The following CACNA1D variants were observed in gnomAD, a reference collection of about 807,000 sequenced individuals.
The protein encoded by CACNA1D is calcium voltage-gated channel subunit alpha1 D.
CACNA1D carries 55 observed loss-of-function variants against 257.1 expected under a neutral mutation model. That is an observed-to-expected ratio of 0.21 (90% CI 0.17 to 0.27). The LOEUF (loss-of-function observed/expected upper bound fraction) is 0.27, where lower values mean the gene tolerates loss of function less well. CACNA1D is among the 10% of genes least tolerant of loss of function. The probability of loss-of-function intolerance (pLI) is 1.00; values close to 1 mark genes in which losing one functional copy is unlikely to be tolerated. For synonymous variants in CACNA1D, 980 were observed against 1,014.9 expected, an observed-to-expected ratio of 0.97 and a Z score of 0.65; for missense variants, 1,876 against 2,784.0, an observed-to-expected ratio of 0.67 and a Z score of 7.34.
intron 32 of CACNA1D, among the ~76,000 whole-genome samples, chr3:53,771,265 A>G (rs2095364878): frequency 6.6e-6 from 1 of 152,246 alleles, no homozygotes; most frequent in Admixed American, 6.5e-5. Context: ...GTGGATATCT[A>G]CAAGCATTAG....
intron 3 of CACNA1D, among the ~76,000 whole-genome samples, chr3:53,618,443 C>T (rs939696926): frequency 4.6e-5 from 7 of 152,180 alleles, no homozygotes; most frequent in Admixed American, 4.6e-4. Flanking sequence ...GTTGAGGGCT[C>T]TGACAACAGC....
At chr3:53,807,159 C>A (rs2095570669) in intron 45 of CACNA1D, among the ~76,000 whole-genome samples, 1 of 151,774 alleles carries the variant, frequency 6.6e-6, no homozygotes, top group Non-Finnish European at 1.5e-5. Flanking sequence ...GGTGGGGATC[C>A]CTGGAGCATT....
At chr3:53,710,331 T>C (rs772963650) in intron 9 of CACNA1D, 13 of 444,396 alleles carry the variant, frequency 2.9e-5, no homozygotes, top group Non-Finnish European at 4.1e-5. Flanking sequence ...CGTGGGGCCC[T>C]GGTTTGGCTG....
At chr3:53,697,206 T>C (rs2094580617) in intron 8 of CACNA1D, among the ~76,000 whole-genome samples, 1 of 152,242 alleles carries the variant, frequency 6.6e-6, no homozygotes, top group Admixed American at 6.5e-5. Flanking sequence ...CCGTGGAGGC[T>C]GCTCCAGATG....
At chr3:53,496,090 T>G (rs2107052664) in intron 1 of CACNA1D, among the ~76,000 whole-genome samples, 2 of 152,352 alleles carry the variant, frequency 1.3e-5, no homozygotes, top group Middle Eastern at 3.4e-3. Context: ...CTTTGCCCTC[T>G]TCTCAGGCTT....
In CACNA1D at chr3:53,811,056, C is replaced by T; in HGVS notation, c.6193-57C>T. 1 of 1,400,110 alleles carries T rather than the reference C, an allele frequency of 7.1e-7. No homozygotes were observed. The highest frequency in any genetic ancestry group is 2.3e-5 in the East Asian group (1 of 43,884). 86.7% of individuals were successfully genotyped at this position (1,400,110 alleles called of 1,614,324 possible). The stretch of plus-strand genomic sequence containing the variant: ...CTGGAGTTGATTTTTCTGTCGTCCC[C>T]CTGCCCTGCAAAGCCTTATAACACC... On this transcript the variant is annotated intron_variant, in intron 47 of 47. Transcript: ENST00000350061. The surrounding 1 kb of genome is among the most constrained non-coding windows in gnomAD (Gnocchi z 4.2).
At chr3:53,569,977 A>G (rs1324075640) in intron 3 of CACNA1D, among the ~76,000 whole-genome samples, 3 of 152,220 alleles carry the variant, frequency 2.0e-5, no homozygotes, top group South Asian at 2.1e-4. Context: ...CAGGCATTCT[A>G]TAGTGGTAAC....
intron 3 of CACNA1D, among the ~76,000 whole-genome samples, chr3:53,534,935 T>A (rs2092069440): frequency 6.6e-6 from 1 of 152,166 alleles, no homozygotes; most frequent in African/African-American, 2.4e-5. Flanking sequence ...TGTCTCTCTT[T>A]CTGTCTCTGT....
At chr3:53,519,416 T>G (rs571478754) in intron 3 of CACNA1D, among the ~76,000 whole-genome samples, 75 of 152,308 alleles carry the variant, frequency 4.9e-4, no homozygotes, top group African/African-American at 1.8e-3. Context: ...ATCCTTGCTG[T>G]GTGAAGCTGT....
intron 3 of CACNA1D, among the ~76,000 whole-genome samples, chr3:53,520,446 C>T (rs1197995863): frequency 1.3e-5 from 2 of 152,158 alleles, no homozygotes; most frequent in African/African-American, 4.8e-5. Flanking sequence ...AAATCCTTTG[C>T]TCATTTTTAA....
chr3:53,769,235 C>T (rs910320442), intron 30 of CACNA1D, among the ~76,000 whole-genome samples: 8 of 152,178 alleles, frequency 5.3e-5, no homozygotes, highest in Non-Finnish European at 1.0e-4. Flanking sequence ...ATCCTGGGGC[C>T]GAGGGACAGG....
intron 25 of CACNA1D, among the ~76,000 whole-genome samples, chr3:53,746,552 G>C (rs1274815039): frequency 1.3e-5 from 2 of 152,118 alleles, no homozygotes; most frequent in African/African-American, 4.8e-5. Flanking sequence ...CTGGGCTCTG[G>C]CTGACTGTGC....
chr3:53,600,056 A>G (rs2093422495), intron 3 of CACNA1D, among the ~76,000 whole-genome samples: 1 of 152,242 alleles, frequency 6.6e-6, no homozygotes, highest in African/African-American at 2.4e-5. Context: ...TGAAGTACAG[A>G]TGGCACCAGG....
chr3:53,686,388 T>G (rs965035095), intron 8 of CACNA1D, among the ~76,000 whole-genome samples: 1 of 152,076 alleles, frequency 6.6e-6, no homozygotes, highest in Non-Finnish European at 1.5e-5. Context: ...ACCAAAACTT[T>G]ACAAAGACAT....
At chr3:53,659,933 G>T (rs1156470192) in intron 4 of CACNA1D, among the ~76,000 whole-genome samples, 200 bp from the exon 5 acceptor site, 1 of 152,148 alleles carries the variant, frequency 6.6e-6, no homozygotes, top group African/African-American at 2.4e-5. Context: ...AACAGATGAG[G>T]TTAATCCCTG....
At chr3:53,527,237 A>G (rs1012208623) in intron 3 of CACNA1D, among the ~76,000 whole-genome samples, 2 of 151,400 alleles carry the variant, frequency 1.3e-5, no homozygotes, top group African/African-American at 4.9e-5. Flanking sequence ...GGCAAGGCCT[A>G]TTGCCAGAAT....
At position 53,757,956 on chromosome 3, in the gene CACNA1D, C is replaced by A. The variant is rs892215846; in HGVS notation, c.3787-4042C>A. ...GTCTGCCTCTCTGTTTGTTGGTGAG[C>A]AGCTGCTTGAGGTCTCAGGCTGAGT... On this transcript the variant is annotated intron_variant, in intron 29 of 47. Transcript: ENST00000350061. 4.6e-5 allele frequency among the ~76,000 whole-genome samples: 7 copies of A among 152,310 alleles called. No homozygotes were observed. The Middle Eastern group carries it at 0.01, about 222-fold the overall frequency.
intron 3 of CACNA1D, among the ~76,000 whole-genome samples, chr3:53,591,463 A>G (rs2093304368): frequency 6.6e-6 from 1 of 152,146 alleles, no homozygotes; most frequent in African/African-American, 2.4e-5. Context: ...CATGTTGCCC[A>G]GGCTGGTCTT....
intron 40 of CACNA1D, chr3:53,792,056 T>C (rs2095485982): frequency 6.6e-6 from 1 of 152,344 alleles, no homozygotes; most frequent in Middle Eastern, 3.4e-3. Context: ...ACTACAACAA[T>C]AATAATATCA....
Sources: allele counts gnomAD v4.1 joint callset (sites outside exome capture counted in the v4.1 genomes callset), GRCh38; gene constraint gnomAD v4.1.1; non-coding constraint Gnocchi (gnomAD v3.1); transcripts MANE v1.5; gene names NCBI Gene and HGNC (gene_info 2026-07-23, HGNC 2026-07-21).